The following USP24 variants were observed in gnomAD, a reference collection of about 807,000 sequenced individuals.
USP24 encodes the protein ubiquitin carboxyl-terminal hydrolase 24.
Under a neutral mutation model 361.6 loss-of-function variants are expected in USP24, and 97 were observed. That is an observed-to-expected ratio of 0.27 (90% CI 0.23 to 0.32). USP24 has a LOEUF of 0.32. USP24 is among the 10% of genes least tolerant of loss of function. USP24 has a pLI of 1.00. For synonymous variants in USP24, 1,098 were observed against 1,124.6 expected, an observed-to-expected ratio of 0.98 and a Z score of 0.47; for missense variants, 2,353 against 3,165.6, an observed-to-expected ratio of 0.74 and a Z score of 6.16.
At chr1:55,182,842 G>A (rs146429006) in intron 1 of USP24, among the ~76,000 whole-genome samples, 1,850 of 152,204 alleles carry the variant, frequency 0.012, 33 homozygotes, top group African/African-American at 0.042. Flanking sequence ...ACCCTCCCGA[G>A]TAGCTGGGAC....
At chr1:55,125,130 T>A (rs1167738411) in intron 34 of USP24, among the ~76,000 whole-genome samples, 190 bp downstream of exon 34, 1 of 152,212 alleles carries the variant, frequency 6.6e-6, no homozygotes, top group Non-Finnish European at 1.5e-5. Context: ...CTTGTAGTTT[T>A]ACAACACTTG....
Position 55,149,572 on chromosome 1 carries a change from A to G in USP24, c.1861-1002T>C, listed in dbSNP as rs149877658. ...TTCCTTGCCTCATAGGGATCAGCCA[A>G]TCCTCAATCAGCAAATACTGTATTT... On this transcript the variant is annotated intron_variant, in intron 16 of 67. Coordinates refer to ENST00000294383, the MANE Select transcript of USP24 (RefSeq NM_015306.3). 3.0e-3 allele frequency among the ~76,000 whole-genome samples: 457 copies of G among 152,296 alleles called. 5 individuals carry two copies. Among genetic ancestry groups the G allele is most frequent in the African/African-American group, 0.01 (419 of 41,566 alleles).
At chr1:55,154,510 G>A in intron 13 of USP24, 44 bp from the exon 14 acceptor site, 1 of 1,532,206 alleles carries the variant, frequency 6.5e-7, no homozygotes, top group South Asian at 1.2e-5. Flanking sequence ...CGATCAAACT[G>A]GCAAAATATG....
intron 3 of USP24, among the ~76,000 whole-genome samples, chr1:55,176,129 GAAGT>G (rs889463571): frequency 6.6e-6 from 1 of 152,004 alleles, no homozygotes; most frequent in Non-Finnish European, 1.5e-5. Flanking sequence ...TAAATAGTAG[GAAGT>G]ATTTATTATT....
At chr1:55,088,597 G>A (rs1168192139) in intron 55 of USP24, among the ~76,000 whole-genome samples, 4 of 152,126 alleles carry the variant, frequency 2.6e-5, no homozygotes, top group Admixed American at 2.0e-4. Context: ...GTTGGGGTAG[G>A]AAATGCTCAT....
At chr1:55,098,305 T>C (rs997678956) in intron 46 of USP24, among the ~76,000 whole-genome samples, 171 bp downstream of exon 46, 4 of 152,246 alleles carry the variant, frequency 2.6e-5, no homozygotes, top group African/African-American at 9.6e-5. Flanking sequence ...AAAGAAATTT[T>C]TTCTCCTTCT....
intron 1 of USP24, among the ~76,000 whole-genome samples, chr1:55,186,934 T>C (rs1164678913): frequency 6.6e-6 from 1 of 152,186 alleles, no homozygotes; most frequent in African/African-American, 2.4e-5. Context: ...GTTATGTATA[T>C]ATTATCACAC....
At chr1:55,142,649 A>G (rs1646922387) in intron 23 of USP24, 93 bp downstream of exon 23, 4 of 926,848 alleles carry the variant, frequency 4.3e-6, no homozygotes, top group Non-Finnish European at 4.8e-6. Flanking sequence ...TCCAGCCACA[A>G]ACATCAACAT....
chr1:55,178,486 G>A (rs1221116242), intron 1 of USP24, among the ~76,000 whole-genome samples: 2 of 151,984 alleles, frequency 1.3e-5, no homozygotes, highest in African/African-American at 4.8e-5. Context: ...GGCTAACACG[G>A]TGAAACCCCG....
chr1:55,124,517 T>C lies in USP24; in HGVS notation c.4072A>G (p.Ser1358Gly), dbSNP rs1318624219. 2 of 1,613,552 alleles carry C rather than the reference T, an allele frequency of 1.2e-6. No individual in the cohort carries two copies. The highest frequency in any genetic ancestry group is 1.7e-6 in the Non-Finnish European group (2 of 1,179,770). ...ATTCCAGCAGGACACAGGGAATTAC[T>C]TTCTTTAATTGGCTGGCTACTCCCA... Reference protein sequence around the residue: ...LVGSSQPIKESNSLCPAGIRN... With the variant: ...LVGSSQPIKEGNSLCPAGIRN... The change falls in exon 35 of 68, where the codon AGT becomes GGT. Residue 1358 changes from serine (S) to glycine (G), a missense_variant. Physicochemically the swap from Ser to Gly is moderately conservative, Grantham distance 56. Around this residue, in one of 8 missense-constraint regions of USP24, gnomAD observed 949 missense variants for 1,280.5 expected, o/e 0.74. Coordinates refer to ENST00000294383, the MANE Select transcript of USP24 (RefSeq NM_015306.3).
intron 1 of USP24, among the ~76,000 whole-genome samples, chr1:55,183,219 G>T (rs929291208): frequency 2.0e-5 from 3 of 152,114 alleles, no homozygotes; most frequent in Non-Finnish European, 2.9e-5. Flanking sequence ...TCCTGGTTTT[G>T]ATAAATATAC....
intron 3 of USP24, among the ~76,000 whole-genome samples, chr1:55,173,776 C>G (rs1369396752): frequency 6.6e-6 from 1 of 152,164 alleles, no homozygotes; most frequent in East Asian, 1.9e-4. Context: ...CAGTAAGTTA[C>G]TATTTTTTGC....
chr1:55,213,326 C>G (rs1338922082), intron 1 of USP24, among the ~76,000 whole-genome samples: 1 of 152,136 alleles, frequency 6.6e-6, no homozygotes, highest in African/African-American at 2.4e-5. Context: ...GTCAACGATA[C>G]AGCTAAGTTA....
In USP24 at chr1:55,141,621, A is replaced by G; in HGVS notation, c.2745T>C (p.Pro915=). The change falls in exon 24 of 68, where the codon CCT becomes CCC. Residue 915 remains proline, a synonymous_variant. Coordinates refer to ENST00000294383, the MANE Select transcript of USP24 (RefSeq NM_015306.3). ...TTTCACTTCTGATCACTTACCTATA[A>G]GGAGACTGAACTGAGGTTGCTACAG... The part of the protein sequence containing the change: ...MPTVATSVQS[P]YRSTKLVIIE... 6.2e-6 allele frequency: 10 copies of G among 1,610,522 alleles called. No individual in the cohort carries two copies. The highest frequency in any genetic ancestry group is 1.1e-5 in the South Asian group (1 of 90,212).
At chr1:55,117,763 A>AG (rs1309429709) in intron 38 of USP24, among the ~76,000 whole-genome samples, 1 of 150,388 alleles carries the variant, frequency 6.6e-6, no homozygotes, top group Non-Finnish European at 1.5e-5. Context: ...AAAAAAAAAA[A>AG]AAAGAAACTG....
At chr1:55,187,510 T>C (rs1401577244) in intron 1 of USP24, among the ~76,000 whole-genome samples, 2 of 152,186 alleles carry the variant, frequency 1.3e-5, no homozygotes, top group African/African-American at 4.8e-5. Flanking sequence ...ACTACTTCTA[T>C]TCACTGATGC....
intron 11 of USP24, 70 bp downstream of exon 11, chr1:55,157,186 T>C: frequency 7.4e-7 from 1 of 1,354,474 alleles, no homozygotes; most frequent in Non-Finnish European, 1.0e-6. Context: ...CAATTTTGTA[T>C]ACTTTTTAAT....
At position 55,068,166 on chromosome 1, in the gene USP24, AAT is replaced by A. The variant is rs1196472466; in HGVS notation, c.*877_*878del. 1.3e-5 allele frequency: 2 copies of A among 152,258 alleles called. No individual in the cohort carries two copies. Among genetic ancestry groups the A allele is most frequent in the Non-Finnish European group, 2.9e-5 (2 of 68,050 alleles). The allele number at this position is 152,258 out of a possible 1,614,324, so 9.4% of individuals were successfully genotyped here. On this transcript the variant is annotated 3_prime_UTR_variant, in exon 68 of 68. Transcript: ENST00000294383. The stretch of plus-strand genomic sequence containing the variant: ...CATGATTTAAGACTACAGTTTATTC[AAT>A]ATGTCTCCAAGCATTAAAAAGATAA...
chr1:55,111,914 G>A (rs1383938414), intron 38 of USP24, among the ~76,000 whole-genome samples: 3 of 152,040 alleles, frequency 2.0e-5, no homozygotes, highest in African/African-American at 7.2e-5. Flanking sequence ...ATTAGAAAGT[G>A]CATGAGAATA....
Sources: gnomAD v4.1 joint callset for allele counts (sites outside exome capture counted in the v4.1 genomes callset) on GRCh38, gnomAD v4.1.1 for gene constraint, gnomAD v4.1.1 regional missense constraint, MANE v1.5 for transcripts, NCBI Gene and HGNC (gene_info 2026-07-23, HGNC 2026-07-21) for gene names.